The following VIT variants were observed in gnomAD, a reference collection of about 807,000 sequenced individuals.
VIT encodes vitrin.
In VIT, 99 loss-of-function variants were observed where a neutral mutation model predicts 78.0. The observed-to-expected ratio is 1.27, with a 90% confidence interval of 1.08 to 1.50. The LOEUF (loss-of-function observed/expected upper bound fraction) is 1.50, where lower values mean the gene tolerates loss of function less well. VIT is among the 40% of genes most tolerant of loss of function. The pLI is 0.00. For missense variants in VIT, 1,126 were observed against 875.3 expected (o/e 1.29, Z -3.61); for synonymous variants, 374 against 334.3 (o/e 1.12, Z -1.29).
At chr2:36,798,656 G>C (rs1166977506) in intron 12 of VIT, among the ~76,000 whole-genome samples, 1 of 152,188 alleles carries the variant, frequency 6.6e-6, no homozygotes, top group Non-Finnish European at 1.5e-5. Context: ...CTACTCCAGA[G>C]GCTGAGGCAG....
At chr2:36,797,617 C>G (rs990753440) in intron 12 of VIT, among the ~76,000 whole-genome samples, 1 of 152,074 alleles carries the variant, frequency 6.6e-6, no homozygotes, top group African/African-American at 2.4e-5. Context: ...CCAGAGGAAG[C>G]TGTATGGAAG....
chr2:36,759,539 G>C (rs1668978386), intron 6 of VIT: 1 of 1,096,230 alleles, frequency 9.1e-7, no homozygotes, highest in Admixed American at 4.9e-5. Context: ...AACCACAAAA[G>C]GGAGTATCGG....
rs147049695 is a variant in VIT at position 36,744,406 on chromosome 2, C to T, written c.275+1150C>T. The stretch of plus-strand genomic sequence containing the variant: ...TTCTTTGAGAAATCTCCAAACTGCT[C>T]TCCACATTGGCTGAACTAATTTACA... On this transcript the variant is annotated intron_variant, in intron 4 of 15. Transcript: ENST00000379242. 3.3e-3 allele frequency among the ~76,000 whole-genome samples: 506 copies of T among 152,276 alleles called. 3 individuals are homozygous for T. Among genetic ancestry groups the T allele is most frequent in the Non-Finnish European group, 6.1e-3 (412 of 68,002 alleles).
At chr2:36,765,145 G>T (rs543626647) in intron 6 of VIT, among the ~76,000 whole-genome samples, 9 of 152,090 alleles carry the variant, frequency 5.9e-5, no homozygotes, top group African/African-American at 2.2e-4. Context: ...AGATCGTGAC[G>T]GGGCGGTTAT....
chr2:36,745,219 G>C (rs1200849965), intron 4 of VIT, among the ~76,000 whole-genome samples: 1 of 151,984 alleles, frequency 6.6e-6, no homozygotes, highest in Non-Finnish European at 1.5e-5. Context: ...GATTGCTGTA[G>C]CCTTGTAGTA....
chr2:36,755,759 A>G (rs1668721276), intron 5 of VIT, among the ~76,000 whole-genome samples: 1 of 152,182 alleles, frequency 6.6e-6, no homozygotes. Context: ...GTGTTCTTAT[A>G]TAAAGAAGAG....
intron 1 of VIT, among the ~76,000 whole-genome samples, chr2:36,709,396 G>C (rs1665662004): frequency 6.6e-6 from 1 of 152,170 alleles, no homozygotes. Flanking sequence ...GGGTTGTTGT[G>C]AAGATTAAAT....
chr2:36,786,701 C>T (rs1275810787), intron 11 of VIT, among the ~76,000 whole-genome samples: 1 of 152,232 alleles, frequency 6.6e-6, no homozygotes, highest in Non-Finnish European at 1.5e-5. Flanking sequence ...AGATCTCTCA[C>T]ACCTTATAAA....
chr2:36,760,908 G>T (rs920603843), intron 6 of VIT, among the ~76,000 whole-genome samples: 1 of 152,032 alleles, frequency 6.6e-6, no homozygotes, highest in Non-Finnish European at 1.5e-5. Context: ...CTCCCTCCTC[G>T]CATTTTGCTG....
chr2:36,751,921 T>C (rs539042440), intron 4 of VIT, among the ~76,000 whole-genome samples: 10 of 152,298 alleles, frequency 6.6e-5, no homozygotes, highest in African/African-American at 2.4e-4. Flanking sequence ...TCACAAACAG[T>C]GCAAATCTGT....
chr2:36,717,172 G>T (rs1171516063), intron 2 of VIT, among the ~76,000 whole-genome samples: 5 of 141,670 alleles, frequency 3.5e-5, no homozygotes, highest in African/African-American at 1.3e-4. Flanking sequence ...ACCACGCCCG[G>T]CCAGAGATGA....
intron 7 of VIT, among the ~76,000 whole-genome samples, chr2:36,771,936 C>T (rs1444688749): frequency 6.6e-6 from 1 of 152,098 alleles, no homozygotes; most frequent in Non-Finnish European, 1.5e-5. Context: ...ATTTTTGCAA[C>T]GTGTGTTGTA....
intron 11 of VIT, 134 bp from the exon 12 acceptor site, chr2:36,786,995 C>T (rs903900359): frequency 1.4e-5 from 16 of 1,118,222 alleles, no homozygotes; most frequent in Non-Finnish European, 2.0e-5. Context: ...TAAATATACC[C>T]TGCATCTTCC....
chr2:36,768,239 C>T (rs1222466053), intron 7 of VIT, among the ~76,000 whole-genome samples: 1 of 152,142 alleles, frequency 6.6e-6, no homozygotes, highest in Non-Finnish European at 1.5e-5. Context: ...CAAGACCAGC[C>T]TGGCCAGCAT....
At chr2:36,754,816 T>G (rs112298536) in intron 4 of VIT, 105 bp from the exon 5 acceptor site, 830 of 1,331,980 alleles carry the variant, frequency 6.2e-4, no homozygotes, top group Non-Finnish European at 8.2e-4. Context: ...TTAACCTTGC[T>G]GCTTTCCTAT....
At chr2:36,735,630 C>G (rs747150921) in intron 3 of VIT, among the ~76,000 whole-genome samples, 2 of 152,322 alleles carry the variant, frequency 1.3e-5, no homozygotes. Context: ...ACCTAAATCT[C>G]CACCCCAAGG....
At chr2:36,811,253 C>T (rs1433514277) in intron 15 of VIT, among the ~76,000 whole-genome samples, 1 of 152,222 alleles carries the variant, frequency 6.6e-6, no homozygotes, top group Non-Finnish European at 1.5e-5. Flanking sequence ...TGGGCAGAGC[C>T]AGATGGGCCA....
At chr2:36,718,219 C>T (rs1411458084) in intron 2 of VIT, among the ~76,000 whole-genome samples, 1 of 152,112 alleles carries the variant, frequency 6.6e-6, no homozygotes, top group East Asian at 1.9e-4. Flanking sequence ...AATTTGAGGG[C>T]ACATAAATCA....
chr2:36,740,822 A>G (rs978710705), intron 3 of VIT, among the ~76,000 whole-genome samples: 4 of 152,250 alleles, frequency 2.6e-5, no homozygotes, highest in African/African-American at 9.6e-5. Context: ...TGTCTTTTAA[A>G]CCAATTATTT....
Sources: allele counts gnomAD v4.1 joint callset (sites outside exome capture counted in the v4.1 genomes callset), GRCh38; gene constraint gnomAD v4.1.1; transcripts MANE v1.5; gene names NCBI Gene and HGNC (gene_info 2026-07-23, HGNC 2026-07-21).